The following ABCC6 variants were observed in gnomAD, a reference collection of about 807,000 sequenced individuals.
ABCC6 encodes ATP binding cassette subfamily C member 6.
Under a neutral mutation model 169.5 loss-of-function variants are expected in ABCC6, and 126 were observed. That is an observed-to-expected ratio of 0.74 (90% CI 0.64 to 0.86). The LOEUF is 0.86. ABCC6 is among the 40% of genes least tolerant of loss of function. The pLI is 0.00. For synonymous variants in ABCC6, 752 were observed against 814.7 expected (o/e 0.92, Z 1.31); for missense variants, 1,733 against 1,927.2 (o/e 0.90, Z 1.89).
At chr16:16,213,082 A>ATT (rs55813185) in intron 5 of ABCC6, among the ~76,000 whole-genome samples, 22,738 of 138,690 alleles carry the variant, frequency 0.16, 2,051 homozygotes, top group Non-Finnish European at 0.2. Context: ...CCTTCGAGCA[A>ATT]TTTTTTTTTT....
In ABCC6 at chr16:16,169,749, C is replaced by A; in HGVS notation, c.2892G>T (p.Arg964=). 6.2e-7 allele frequency: 1 copy of A among 1,605,632 alleles called. No homozygotes were observed. The highest frequency in any genetic ancestry group is 8.5e-7 in the Non-Finnish European group (1 of 1,176,592). ...FLCQQVASFC[R]GYWLSLWADD... is the part of the protein sequence containing the mutation. ...CCGCCCACAGGCTCAGCCAGTAGCCCCGGCAGAAGGAGGCCACTTGCTGGC... is the reference window on the plus strand; with the variant it reads ...CCGCCCACAGGCTCAGCCAGTAGCCACGGCAGAAGGAGGCCACTTGCTGGC... The change falls in exon 22 of 31, where the codon CGG becomes CGT. Residue 964 remains arginine, a synonymous_variant. Coordinates refer to ENST00000205557, the MANE Select transcript of ABCC6 (RefSeq NM_001171.6).
At chr16:16,220,912 A>G (rs972011209) in intron 2 of ABCC6, among the ~76,000 whole-genome samples, 1 of 151,946 alleles carries the variant, frequency 6.6e-6, no homozygotes, top group African/African-American at 2.4e-5. Flanking sequence ...AAAAAAAACA[A>G]ACAAAAAAGT....
At chr16:16,169,889 G>A in intron 21 of ABCC6, 36 bp from the exon 22 acceptor site, 3 of 1,544,562 alleles carry the variant, frequency 1.9e-6, no homozygotes, top group Non-Finnish European at 2.6e-6. Flanking sequence ...GGCAGAGAGA[G>A]CCCCCAGTGG....
chr16:16,187,722 T>C (rs541057872), intron 13 of ABCC6, among the ~76,000 whole-genome samples: 1 of 152,066 alleles, frequency 6.6e-6, no homozygotes, highest in Non-Finnish European at 1.5e-5. Context: ...CAAGACTCTT[T>C]GTTTCTACAA....
intron 9 of ABCC6, 59 bp downstream of exon 9, chr16:16,201,942 C>G (rs139880351): frequency 1.1e-5 from 18 of 1,605,410 alleles, no homozygotes; most frequent in Admixed American, 1.7e-5. Context: ...CATTACTGCC[C>G]GCTCAGTGAT....
rs147628742 is a variant in ABCC6, at chr16:16,209,799, C to T, written c.663-940G>A. Among the ~76,000 whole-genome samples the T allele has an allele frequency of 8.2e-3, 1,242 of 151,932 alleles. 12 individuals carry two copies. Among genetic ancestry groups the T allele is most frequent in the African/African-American group, 0.028 (1,143 of 41,434 alleles). On this transcript the variant is annotated intron_variant, in intron 6 of 30. Coordinates refer to ENST00000205557, the MANE Select transcript of ABCC6 (RefSeq NM_001171.6). ...TGTTTTTGGATGGTGTATCACCATG[C>T]TGGCCAGGCTGGTCTCGACCTACTG...
chr16:16,198,087 G>T lies in ABCC6; in HGVS notation c.1272C>A (p.Val424=). 6.2e-7 allele frequency: 1 copy of T among 1,614,020 alleles called. No individual in the cohort carries two copies. The highest frequency in any genetic ancestry group is 8.5e-7 in the Non-Finnish European group (1 of 1,179,992). ...GCAGCCACAGCCCGTTGAGGTAGAG[G>T]ACGCTCTCGGTCAGCCGCTGCACGT... ...SVDVQRLTES[V]LYLNGLWLPL... The change falls in exon 10 of 31, where the codon GTC becomes GTA. Residue 424 remains valine (V), a synonymous_variant. Coordinates refer to ENST00000205557, the MANE Select transcript of ABCC6 (RefSeq NM_001171.6).
At chr16:16,216,890 G>A (rs2048897441) in intron 4 of ABCC6, among the ~76,000 whole-genome samples, 2 of 149,328 alleles carry the variant, frequency 1.3e-5, no homozygotes, top group Admixed American at 1.3e-4. Context: ...ATGCTAGAAT[G>A]TAAGTGTGAA....
chr16:16,187,177 A>G lies in ABCC6; in HGVS notation c.1814T>C (p.Leu605Pro), dbSNP rs768271196. 2 of 1,613,700 alleles carry G rather than the reference A, an allele frequency of 1.2e-6. No homozygotes were observed. The highest frequency in any genetic ancestry group is 1.7e-6 in the Non-Finnish European group (2 of 1,179,856). Residue 605 changes from leucine to proline, a missense_variant, in exon 14 of 31, where the codon CTC (leucine) becomes CCC (proline). Physicochemically the swap from Leu to Pro is moderately conservative, Grantham distance 98. Around this residue, in one of 5 missense-constraint regions of ABCC6, gnomAD observed 1,601 missense variants for 1,635.5 expected, o/e 0.98. Transcript: ENST00000205557. ...ACCAGGGTCAACTTCTTCCAGGCAG[A>G]GGAAGGTGACCAGACGGTCAAAGGA... is the stretch of plus-strand genomic sequence containing the variant. ...RVSFDRLVTF[L>P]CLEEVDPGVV... is the part of the protein sequence containing the mutation.
chr16:16,180,475 C>T (rs566212651), intron 17 of ABCC6, among the ~76,000 whole-genome samples: 8 of 152,066 alleles, frequency 5.3e-5, no homozygotes, highest in African/African-American at 1.9e-4. Context: ...TCTTGTCTTT[C>T]ATTCATTCTT....
In ABCC6 at chr16:16,159,626, T is replaced by C. The variant is rs1030800298; in HGVS notation, c.3634-43A>G. 4 of 1,580,710 alleles carry C rather than the reference T, an allele frequency of 2.5e-6. No homozygotes were observed. The Admixed American group carries it at 5.0e-5, about 20-fold the overall frequency. On this transcript the variant is annotated intron_variant, in intron 25 of 30. Transcript: ENST00000205557. ...CTCTGGCTGGGTTTGGCAAGGCCAC[T>C]TGAGGGCTTGCAACAGCCCCCCTGG...
chr16:16,192,683 G>A, intron 11 of ABCC6, 147 bp downstream of exon 11: 1 of 746,236 alleles, frequency 1.3e-6, no homozygotes, highest in Non-Finnish European at 2.4e-6. Context: ...GGGGGTGCAG[G>A]TCTGAGTGAT....
At chr16:16,219,412 G>T in intron 4 of ABCC6, 142 bp downstream of exon 4, 1 of 633,194 alleles carries the variant, frequency 1.6e-6, no homozygotes, top group Non-Finnish European at 2.7e-6. Flanking sequence ...AGTGGATTTT[G>T]TGTCTCTAGA....
chr16:16,212,310 G>GT (rs2048657525), intron 5 of ABCC6, 64 bp from the exon 6 acceptor site: 3 of 843,676 alleles, frequency 3.6e-6, no homozygotes, highest in Admixed American at 2.0e-5. Context: ...GACGAACTGT[G>GT]TATTTTTTTT....
At chr16:16,189,176 C>A (rs1249893583) in intron 12 of ABCC6, among the ~76,000 whole-genome samples, 1 of 152,228 alleles carries the variant, frequency 6.6e-6, no homozygotes, top group Non-Finnish European at 1.5e-5. Context: ...TCTCTAAAGA[C>A]ACAGCGCATT....
At chr16:16,187,321 T>C in intron 13 of ABCC6, 110 bp from the exon 14 acceptor site, 2 of 874,204 alleles carry the variant, frequency 2.3e-6, no homozygotes, top group South Asian at 2.8e-5. Context: ...CCAAGCTCTG[T>C]GCATAGGAGG....
chr16:16,175,902 T>C lies in ABCC6; in HGVS notation c.2666+9A>G. Reference sequence around the variant, plus strand: ...TGCCCTTCTGAGTGTGGCACCATGGTGGACTCACCTCTCGCGTCTAAGCTC... The same window carrying C: ...TGCCCTTCTGAGTGTGGCACCATGGCGGACTCACCTCTCGCGTCTAAGCTC... On this transcript the variant is annotated intron_variant, in intron 20 of 30. Coordinates refer to ENST00000205557, the MANE Select transcript of ABCC6 (RefSeq NM_001171.6). 6.2e-7 allele frequency: 1 copy of C among 1,614,094 alleles called. No homozygotes were observed. The highest frequency in any genetic ancestry group is 1.1e-5 in the South Asian group (1 of 91,084).
intron 21 of ABCC6, among the ~76,000 whole-genome samples, chr16:16,170,638 C>T (rs1239962264): frequency 6.6e-6 from 1 of 152,116 alleles, no homozygotes; most frequent in East Asian, 1.9e-4. Context: ...TAGAAGAAAT[C>T]CCAGCCAGGA....
chr16:16,156,205 A>G (rs1047677527), intron 27 of ABCC6, among the ~76,000 whole-genome samples: 1 of 152,206 alleles, frequency 6.6e-6, no homozygotes, highest in African/African-American at 2.4e-5. Flanking sequence ...TATAAGCCAC[A>G]GCACCCAGCC....
Sources: gnomAD v4.1 joint callset for allele counts (sites outside exome capture counted in the v4.1 genomes callset) on GRCh38, gnomAD v4.1.1 for gene constraint, gnomAD v4.1.1 regional missense constraint, MANE v1.5 for transcripts, NCBI Gene and HGNC (gene_info 2026-07-23, HGNC 2026-07-21) for gene names.